Variants in XIRP2 observed in about 807,000 individuals in gnomAD.
XIRP2 encodes the protein xin actin-binding repeat-containing protein 2.
A neutral mutation model predicts 277.0 loss-of-function variants in XIRP2; 236 were observed. The observed-to-expected ratio is 0.85, with a 90% CI of 0.77 to 0.95. The LOEUF (loss-of-function observed/expected upper bound fraction) is 0.95, where lower values mean the gene tolerates loss of function less well. XIRP2 is among the 40% of genes least tolerant of loss of function. The probability of loss-of-function intolerance (pLI) is 0.00; values close to 1 mark genes in which losing one functional copy is unlikely to be tolerated. For missense variants in XIRP2, 4,640 were observed against 4,157.5 expected, an observed-to-expected ratio of 1.12 and a Z score of -3.19; for synonymous variants, 1,490 against 1,416.5, an observed-to-expected ratio of 1.05 and a Z score of -1.17.
intron 5 of XIRP2, among the ~76,000 whole-genome samples, chr2:167,220,132 G>C (rs1470400901): frequency 6.6e-6 from 1 of 152,074 alleles, no homozygotes. Flanking sequence ...ATTTACACCA[G>C]GAAAATTGGC....
chr2:166,978,058 G>A lies in XIRP2; in HGVS notation c.408+74168G>A, dbSNP rs114009897. Reference sequence around the variant, plus strand: ...TGCATGTGTGTGATTGTGTTTATGTGTTCATGAAAGTAGTCAAAATTCATT... The same window carrying A: ...TGCATGTGTGTGATTGTGTTTATGTATTCATGAAAGTAGTCAAAATTCATT... On this transcript the variant is annotated intron_variant, in intron 2 of 10. Coordinates refer to ENST00000409195, the MANE Select transcript of XIRP2 (RefSeq NM_152381.6). Among the ~76,000 whole-genome samples the A allele has an allele frequency of 4.0e-3, 612 of 152,166 alleles. 3 individuals carry two copies. The highest frequency in any genetic ancestry group is 0.024 in the Middle Eastern group (7 of 294).
chr2:167,239,145 T>A (rs1370807944), intron 5 of XIRP2, among the ~76,000 whole-genome samples: 9 of 152,204 alleles, frequency 5.9e-5, no homozygotes, highest in Admixed American at 5.9e-4. Flanking sequence ...ATTTGAAGAC[T>A]AGTATGTCTT....
intron 3 of XIRP2, among the ~76,000 whole-genome samples, chr2:167,173,496 G>A (rs1051653983): frequency 2.0e-5 from 3 of 152,196 alleles, no homozygotes; most frequent in Non-Finnish European, 4.4e-5. Context: ...ACTCCATTGT[G>A]TATAAGCACC....
At position 167,053,388 on chromosome 2, in the gene XIRP2, A is replaced by G. The variant is rs533143278; in HGVS notation, c.409-82521A>G. On this transcript the variant is annotated intron_variant, in intron 2 of 10. Coordinates refer to ENST00000409195, the MANE Select transcript of XIRP2 (RefSeq NM_152381.6). ...AAAGATAATGTTCTCTTGTCTTTCA[A>G]TCCATCATTTGACATTGTTTCTTCC... Among the ~76,000 whole-genome samples the G allele has an allele frequency of 8.5e-5, 13 of 152,252 alleles. No individual in the cohort carries two copies. In the South Asian group the frequency reaches 2.5e-3, roughly 29 times the overall value.
At chr2:167,204,660 A>G (rs909153947) in intron 3 of XIRP2, among the ~76,000 whole-genome samples, 1 of 152,224 alleles carries the variant, frequency 6.6e-6, no homozygotes, top group African/African-American at 2.4e-5. Flanking sequence ...CATGTTTGCT[A>G]TGAAGTTTTC....
At chr2:167,133,695 T>G (rs1691450517) in intron 2 of XIRP2, among the ~76,000 whole-genome samples, 1 of 152,190 alleles carries the variant, frequency 6.6e-6, no homozygotes, top group Admixed American at 6.5e-5. Context: ...GCACCTTCTA[T>G]TTATCTCATC....
At chr2:167,067,167 A>G (rs1024322975) in intron 2 of XIRP2, among the ~76,000 whole-genome samples, 4 of 152,038 alleles carry the variant, frequency 2.6e-5, no homozygotes, top group African/African-American at 9.7e-5. Context: ...CTTCAATTAC[A>G]TATATCTATG....
At chr2:167,191,046 T>C (rs1011839594) in intron 3 of XIRP2, among the ~76,000 whole-genome samples, 4 of 151,972 alleles carry the variant, frequency 2.6e-5, no homozygotes, top group African/African-American at 9.7e-5. Flanking sequence ...TAGCTGAGCA[T>C]GGTGACATGC....
intron 3 of XIRP2, among the ~76,000 whole-genome samples, chr2:167,169,785 G>C (rs763279918): frequency 6.6e-6 from 1 of 152,010 alleles, no homozygotes; most frequent in South Asian, 2.1e-4. Context: ...ATATCTACTG[G>C]GTGTATAGCT....
At chr2:167,171,085 A>G (rs1368997827) in intron 3 of XIRP2, among the ~76,000 whole-genome samples, 3 of 151,556 alleles carry the variant, frequency 2.0e-5, no homozygotes, top group Non-Finnish European at 4.4e-5. Context: ...TTTTTAGTAG[A>G]GAAGGAGTTT....
At chr2:167,008,495 A>G (rs913843979) in intron 2 of XIRP2, among the ~76,000 whole-genome samples, 1 of 151,624 alleles carries the variant, frequency 6.6e-6, no homozygotes, top group Non-Finnish European at 1.5e-5. Context: ...CTATTTACTC[A>G]TGTTACATGA....
chr2:167,101,642 C>T (rs1690491805), intron 2 of XIRP2, among the ~76,000 whole-genome samples: 2 of 152,140 alleles, frequency 1.3e-5, no homozygotes, highest in South Asian at 2.1e-4. Context: ...GCTGCAAGTG[C>T]CATTGTTTCA....
Position 167,245,944 on chromosome 2 carries a change from C to T in XIRP2, c.4552C>T (p.Pro1518Ser), listed in dbSNP as rs1278135302. The T allele has an allele frequency of 6.2e-7, 1 of 1,613,406 alleles. No individual in the cohort carries two copies. Among genetic ancestry groups the T allele is most frequent in the African/African-American group, 1.3e-5 (1 of 74,828 alleles). ...GITKMTKEEI[P>S]PSDVKTTTWL... ...CACAAAAATGACCAAGGAAGAAATC[C>T]CTCCTTCTGATGTCAAAACAACCAC... Residue 1518 changes from proline to serine, a missense_variant, in exon 9 of 11, where the codon CCT (proline) becomes TCT (serine). Physicochemically the swap from Pro to Ser is moderately conservative, Grantham distance 74. Transcript: ENST00000409195.
At chr2:167,031,212 T>A (rs1289468239) in intron 2 of XIRP2, among the ~76,000 whole-genome samples, 1 of 152,172 alleles carries the variant, frequency 6.6e-6, no homozygotes, top group Non-Finnish European at 1.5e-5. Flanking sequence ...AACACTGTTA[T>A]GTGTGAATTT....
intron 1 of XIRP2, among the ~76,000 whole-genome samples, chr2:166,897,697 G>T (rs1684279003): frequency 1.3e-5 from 2 of 152,130 alleles, no homozygotes; most frequent in Admixed American, 1.3e-4. Context: ...AGAAGGTGTG[G>T]TTCAGCCCAT....
At chr2:166,971,822 GT>G (rs1259696771) in intron 2 of XIRP2, among the ~76,000 whole-genome samples, 2 of 152,144 alleles carry the variant, frequency 1.3e-5, no homozygotes, top group Non-Finnish European at 2.9e-5. Flanking sequence ...GAAAATCACA[GT>G]TTGCAAGAGT....
In XIRP2 at chr2:167,218,241, A is replaced by T; in HGVS notation, c.799A>T (p.Thr267Ser). 1 of 1,609,224 alleles carries T rather than the reference A, an allele frequency of 6.2e-7. No homozygotes were observed. The highest frequency in any genetic ancestry group is 1.7e-4 in the Middle Eastern group (1 of 6,038). The change falls in exon 5 of 11, where the codon ACT becomes TCT. Residue 267 changes from threonine to serine, a missense_variant. Physicochemically the swap from Thr to Ser is moderately conservative, Grantham distance 58. Transcript: ENST00000409195. ...KVKKQFEDEITSSRNTFAQYQ... is the reference protein window; with the variant it reads ...KVKKQFEDEISSSRNTFAQYQ... ...GAAGAAACAATTTGAGGACGAAATT[A>T]CTTCTTCCCGTAATACCTTTGCTCA...
chr2:167,023,085 T>C (rs1330271382), intron 2 of XIRP2, among the ~76,000 whole-genome samples: 1 of 152,190 alleles, frequency 6.6e-6, no homozygotes, highest in Non-Finnish European at 1.5e-5. Flanking sequence ...TGTAAAAGTA[T>C]TCCTATTTCT....
intron 4 of XIRP2, among the ~76,000 whole-genome samples, chr2:167,217,245 G>A (rs1248436134): frequency 6.7e-6 from 1 of 149,554 alleles, no homozygotes; most frequent in Non-Finnish European, 1.5e-5. Flanking sequence ...TAACTAACCT[G>A]CGCAATGTGC....
Sources: gnomAD v4.1 joint callset for allele counts (sites outside exome capture counted in the v4.1 genomes callset) on GRCh38, gnomAD v4.1.1 for gene constraint, MANE v1.5 for transcripts, NCBI Gene and HGNC (gene_info 2026-07-23, HGNC 2026-07-21) for gene names.